PJA2: variants seen among roughly 807,000 people sequenced by gnomAD.
The protein encoded by PJA2 is praja ring finger ubiquitin ligase 2.
In PJA2, 25 loss-of-function variants were observed where a neutral mutation model predicts 69.3. The ratio of observed to expected loss-of-function variants is 0.36; its 90% CI spans 0.26 to 0.50. The LOEUF is 0.50. PJA2 is among the 20% of genes least tolerant of loss of function. The pLI, the probability that PJA2 is intolerant of heterozygous loss-of-function variation, is 0.96. For missense variants in PJA2, 809 were observed against 830.2 expected, an observed-to-expected ratio of 0.97 and a Z score of 0.31; for synonymous variants, 308 against 277.8, an observed-to-expected ratio of 1.11 and a Z score of -1.08.
intron 7 of PJA2, among the ~76,000 whole-genome samples, chr5:109,346,684 AC>A (rs1295972294): frequency 6.6e-6 from 1 of 152,254 alleles, no homozygotes; most frequent in African/African-American, 2.4e-5. Context: ...TATGATTCTT[AC>A]ATGAGATACC....
At chr5:109,353,273 A>C (rs1203166270) in intron 7 of PJA2, among the ~76,000 whole-genome samples, 2 of 139,364 alleles carry the variant, frequency 1.4e-5, no homozygotes, top group Non-Finnish European at 1.5e-5. Flanking sequence ...AGATACCTAT[A>C]ATATCATAGA....
chr5:109,355,945 T>C lies in PJA2; in HGVS notation c.1734A>G (p.Ala578=), dbSNP rs758777374. ...YVDPQFLTYM[A]LEERLAQAME... is the part of the protein sequence containing the mutation. ...TAGCCTGGGCTAAGCGTTCTTCTAGTGCCATGTAGGTAAGGAACTGAGGAT... is the reference window on the plus strand; with the variant it reads ...TAGCCTGGGCTAAGCGTTCTTCTAGCGCCATGTAGGTAAGGAACTGAGGAT... The change falls in exon 7 of 10, where the codon GCA becomes GCG. Residue 578 remains alanine (A), a synonymous_variant. Transcript: ENST00000361189. 9 of 1,613,716 alleles carry C rather than the reference T, an allele frequency of 5.6e-6. No individual in the cohort carries two copies. Among genetic ancestry groups the C allele is most frequent in the South Asian group, 3.3e-5 (3 of 91,060 alleles).
intron 1 of PJA2, among the ~76,000 whole-genome samples, chr5:109,396,924 G>C (rs2052884): frequency 0.43 from 66,081 of 152,046 alleles, 17,665 homozygotes; most frequent in Middle Eastern, 0.6. Flanking sequence ...AGAAAATTTA[G>C]TGATATTGTC....
chr5:109,402,456 GA>G (rs1747576309), intron 1 of PJA2, among the ~76,000 whole-genome samples: 1 of 152,142 alleles, frequency 6.6e-6, no homozygotes, highest in Non-Finnish European at 1.5e-5. Flanking sequence ...ATTATATAAT[GA>G]TTAAGGGGTT....
At chr5:109,382,053 G>T (rs1226945801) in intron 2 of PJA2, among the ~76,000 whole-genome samples, 1 of 151,872 alleles carries the variant, frequency 6.6e-6, no homozygotes, top group Non-Finnish European at 1.5e-5. Context: ...TCCAAATTAA[G>T]TACCTTATAT....
chr5:109,373,796 T>C (rs908093731), intron 4 of PJA2, among the ~76,000 whole-genome samples: 3 of 152,196 alleles, frequency 2.0e-5, no homozygotes, highest in Non-Finnish European at 2.9e-5. Context: ...AATGTTACAC[T>C]CTACACATTC....
chr5:109,361,842 G>C (rs1433500785), intron 6 of PJA2, among the ~76,000 whole-genome samples: 2 of 152,304 alleles, frequency 1.3e-5, no homozygotes, highest in South Asian at 2.1e-4. Flanking sequence ...TGGGGAGTAA[G>C]AATAGGAAAA....
At chr5:109,376,926 C>A (rs1746901512) in intron 4 of PJA2, among the ~76,000 whole-genome samples, 1 of 151,960 alleles carries the variant, frequency 6.6e-6, no homozygotes, top group African/African-American at 2.4e-5. Flanking sequence ...CAATTCAGAT[C>A]CAGATCTGCT....
chr5:109,337,091 G>T lies in PJA2; in HGVS notation c.*140C>A. On this transcript the variant is annotated 3_prime_UTR_variant, in exon 10 of 10. Coordinates refer to ENST00000361189, the MANE Select transcript of PJA2 (RefSeq NM_014819.5). ...TGCAAACCTAAATTTAGTTTAGAAA[G>T]GTTAATATTCTTTCTAAACTATGGC... 1.3e-6 allele frequency: 1 copy of T among 784,738 alleles called. No individual in the cohort carries two copies. The highest frequency in any genetic ancestry group is 1.7e-6 in the Non-Finnish European group (1 of 573,264). The allele number at this position is 784,738 out of a possible 1,614,324, so 48.6% of individuals were successfully genotyped here. A position where few individuals can be genotyped will look rare whatever the true frequency, so the allele number is the denominator to read the frequency against.
At position 109,381,709 on chromosome 5, in the gene PJA2, A is replaced by G. The variant is rs369594278; in HGVS notation, c.32-6T>C. The G allele has an allele frequency of 6.2e-4, 992 of 1,612,046 alleles. 1 individual carries two copies. Among genetic ancestry groups the G allele is most frequent in the Non-Finnish European group, 8.2e-4 (964 of 1,179,834 alleles). ...ACCAGATTCTTGGTCCATTGCTGAA[A>G]AAAAAGTTAAAAAATTAAAACAGGA... On this transcript the variant is annotated splice_region_variant and splice_polypyrimidine_tract_variant and intron_variant, in intron 2 of 9. Transcript: ENST00000361189.
Position 109,355,907 on chromosome 5 carries a change from G to C in PJA2, c.1764+8C>G. 2 of 1,590,532 alleles carry C rather than the reference G, an allele frequency of 1.3e-6. No individual in the cohort carries two copies. The highest frequency in any genetic ancestry group is 1.7e-6 in the Non-Finnish European group (2 of 1,160,496). ...ACTTATATATGGAGATCAGAGTTATGAACATACCTCCATAGCCTGGGCTAA... is the reference window on the plus strand; with the variant it reads ...ACTTATATATGGAGATCAGAGTTATCAACATACCTCCATAGCCTGGGCTAA... On this transcript the variant is annotated splice_region_variant and intron_variant, in intron 7 of 9. Coordinates refer to ENST00000361189, the MANE Select transcript of PJA2 (RefSeq NM_014819.5).
chr5:109,369,626 T>A (rs1248688514), intron 4 of PJA2, among the ~76,000 whole-genome samples: 1 of 152,244 alleles, frequency 6.6e-6, no homozygotes, highest in East Asian at 1.9e-4. Context: ...AAGTTAACTG[T>A]CTTTTTCCTT....
At chr5:109,354,515 G>A (rs1373626933) in intron 7 of PJA2, among the ~76,000 whole-genome samples, 1 of 23,042 alleles carries the variant, frequency 4.3e-5, no homozygotes, top group East Asian at 5.0e-4. Context: ...TATCTATATC[G>A]ATATTAGATA....
At chr5:109,398,342 C>T (rs1381830901) in intron 1 of PJA2, among the ~76,000 whole-genome samples, 1 of 152,036 alleles carries the variant, frequency 6.6e-6, no homozygotes, top group Non-Finnish European at 1.5e-5. Flanking sequence ...TTTACTGCGG[C>T]ACTATTCACA....
intron 3 of PJA2, among the ~76,000 whole-genome samples, chr5:109,380,219 A>G (rs1188771710): frequency 6.7e-6 from 1 of 148,704 alleles, no homozygotes; most frequent in African/African-American, 2.5e-5. Context: ...TCAGCCTCCC[A>G]AGTAGCTGGG....
intron 6 of PJA2, 56 bp from the exon 7 acceptor site, chr5:109,356,082 A>AT: frequency 8.7e-7 from 1 of 1,146,276 alleles, no homozygotes; most frequent in East Asian, 2.4e-5. Context: ...GGGAAATCTT[A>AT]TGCTGAGGAC....
intron 6 of PJA2, among the ~76,000 whole-genome samples, chr5:109,360,398 C>T (rs983687123): frequency 2.0e-5 from 3 of 152,082 alleles, no homozygotes; most frequent in African/African-American, 7.2e-5. Flanking sequence ...AGGACTTTTT[C>T]CATTTTCCTT....
intron 5 of PJA2, among the ~76,000 whole-genome samples, chr5:109,363,944 G>C (rs558641661): frequency 6.6e-6 from 1 of 152,222 alleles, no homozygotes; most frequent in African/African-American, 2.4e-5. Context: ...TTGAGGCCAG[G>C]AGTTTGAGAC....
chr5:109,347,613 G>A (rs1762190789), intron 7 of PJA2, among the ~76,000 whole-genome samples: 1 of 152,236 alleles, frequency 6.6e-6, no homozygotes, highest in African/African-American at 2.4e-5. Flanking sequence ...CCAGAGGGCA[G>A]ATTTTTGCCA....
Sources: allele counts gnomAD v4.1 joint callset (sites outside exome capture counted in the v4.1 genomes callset), GRCh38; gene constraint gnomAD v4.1.1; transcripts MANE v1.5; gene names NCBI Gene and HGNC (gene_info 2026-07-23, HGNC 2026-07-21).